The following SERPINB10 variants were observed in gnomAD, a reference collection of about 807,000 sequenced individuals.
SERPINB10 encodes serpin family B member 10.
In SERPINB10, 35 loss-of-function variants were observed where a neutral mutation model predicts 39.1. The observed-to-expected ratio is 0.90, with a 90% CI of 0.68 to 1.19. SERPINB10 has a LOEUF of 1.19. SERPINB10 is among the 50% of genes most tolerant of loss of function. SERPINB10 has a pLI of 0.00. For missense variants in SERPINB10, 546 were observed against 460.5 expected (o/e 1.19, Z -1.70); for synonymous variants, 190 against 158.1 (o/e 1.20, Z -1.52).
chr18:63,928,221 A>T (rs1357990922), intron 5 of SERPINB10, among the ~76,000 whole-genome samples: 1 of 152,058 alleles, frequency 6.6e-6, no homozygotes, highest in Non-Finnish European at 1.5e-5. Flanking sequence ...TCAGCCCTTT[A>T]TTCTGAGTAG....
At chr18:63,912,650 C>T (rs80170191) in intron 1 of SERPINB10, among the ~76,000 whole-genome samples, 39,523 of 151,758 alleles carry the variant, frequency 0.26, 5,789 homozygotes, top group African/African-American at 0.39. Context: ...GGTAAATTAA[C>T]TTTTTGATAT....
Position 63,917,591 on chromosome 18 carries a change from A to G in SERPINB10, c.234+70A>G, listed in dbSNP as rs1006866337. ...TACTTTTAGCACATGTATTTTAGTG[A>G]TAACTGAAGCAACTTTTAGCAGGTA... On this transcript the variant is annotated intron_variant, in intron 3 of 7. Transcript: ENST00000238508. 8 of 878,684 alleles carry G rather than the reference A, an allele frequency of 9.1e-6. No individual in the cohort carries two copies. The African/African-American group carries it at 1.2e-4, about 14-fold the overall frequency. The allele number at this position is 878,684 out of a possible 1,614,324, so 54.4% of individuals were successfully genotyped here.
chr18:63,934,542 T>A (rs2050247139), intron 7 of SERPINB10, among the ~76,000 whole-genome samples: 1 of 152,198 alleles, frequency 6.6e-6, no homozygotes, highest in African/African-American at 2.4e-5. Flanking sequence ...TAAATGTATA[T>A]TTATATTTAT....
At chr18:63,915,406 T>G (rs1433886026) in intron 1 of SERPINB10, 96 bp from the exon 2 acceptor site, 1 of 789,680 alleles carries the variant, frequency 1.3e-6, no homozygotes, top group Non-Finnish European at 2.0e-6. Flanking sequence ...TGACAATGTA[T>G]ATGGATATGT....
Position 63,916,526 on chromosome 18 carries a change from A to G in SERPINB10, c.168+848A>G, listed in dbSNP as rs930692529. On this transcript the variant is annotated intron_variant, in intron 2 of 7. Coordinates refer to ENST00000238508, the MANE Select transcript of SERPINB10 (RefSeq NM_005024.3). ...GCTATATTAGTCTGGACTTGGGATA[A>G]CATCCTTACTCTTGTAGTTCACAAG... 3.9e-5 allele frequency among the ~76,000 whole-genome samples: 6 copies of G among 152,016 alleles called. No individual in the cohort carries two copies. The East Asian group carries it at 1.2e-3, about 29-fold the overall frequency.
intron 6 of SERPINB10, 132 bp from the exon 7 acceptor site, chr18:63,932,916 T>C: frequency 3.8e-6 from 3 of 797,758 alleles, no homozygotes; most frequent in Non-Finnish European, 6.0e-6. Flanking sequence ...TCTGGATAAC[T>C]TTATTCAGCA....
At chr18:63,908,357 T>C (rs952757102) in intron 1 of SERPINB10, among the ~76,000 whole-genome samples, 1 of 152,058 alleles carries the variant, frequency 6.6e-6, no homozygotes, top group African/African-American at 2.4e-5. Flanking sequence ...CAGTGGAGTT[T>C]CCTCCAGTCA....
At chr18:63,920,294 T>C (rs1291300516) in intron 5 of SERPINB10, among the ~76,000 whole-genome samples, 1 of 152,086 alleles carries the variant, frequency 6.6e-6, no homozygotes, top group African/African-American at 2.4e-5. Flanking sequence ...GAATCTTAAA[T>C]ACTTTTCAAA....
At position 63,933,037 on chromosome 18, in the gene SERPINB10, GT is replaced by G. The variant is rs750983969; in HGVS notation, c.634-3del. On this transcript the variant is annotated splice_polypyrimidine_tract_variant and intron_variant, in intron 6 of 7. Coordinates refer to ENST00000238508, the MANE Select transcript of SERPINB10 (RefSeq NM_005024.3). ...TTGTTACCTGTTTTTTTGTTTTTTTGTTTTTTTTAGACTACAAGCAAACCAG... is the reference window on the plus strand; with the variant it reads ...TTGTTACCTGTTTTTTTGTTTTTTTGTTTTTTTAGACTACAAGCAAACCAG... 31 of 1,593,746 alleles carry G rather than the reference GT, an allele frequency of 1.9e-5. No homozygotes were observed. Among genetic ancestry groups the G allele is most frequent in the South Asian group, 6.8e-5 (6 of 88,276 alleles).
intron 6 of SERPINB10, among the ~76,000 whole-genome samples, chr18:63,930,514 C>A (rs531469733): frequency 5.5e-4 from 84 of 152,238 alleles, no homozygotes; most frequent in African/African-American, 1.9e-3. Flanking sequence ...AGAACAAGAA[C>A]CTAAGAGTCC....
intron 5 of SERPINB10, among the ~76,000 whole-genome samples, chr18:63,923,685 C>T (rs2050161521): frequency 6.6e-6 from 1 of 151,790 alleles, no homozygotes; most frequent in Non-Finnish European, 1.5e-5. Context: ...TTTAGGTAAA[C>T]AAAATTGTGT....
chr18:63,919,699 CTACCTA>C, intron 4 of SERPINB10, 83 bp from the exon 5 acceptor site: 1 of 851,708 alleles, frequency 1.2e-6, no homozygotes, highest in South Asian at 1.6e-5. Context: ...AATTGCCCGC[CTACCTA>C]GTTCTTTTGA....
chr18:63,912,911 G>A (rs1023612166), intron 1 of SERPINB10, among the ~76,000 whole-genome samples: 35 of 151,686 alleles, frequency 2.3e-4, no homozygotes, highest in Non-Finnish European at 4.0e-4. Context: ...TTGTTCCAGG[G>A]CGTTTTTTGG....
Position 63,933,089 on chromosome 18 carries a change from G to A in SERPINB10, c.675G>A (p.Lys225=), listed in dbSNP as rs762391086. ...TGCAAATGATGTTTATGAAGAAAAA[G>A]CTTCACATTTTTCACATAGAAAAGC... ...KPVQMMFMKK[K]LHIFHIEKPK... The change falls in exon 7 of 8, where the codon AAG becomes AAA. Residue 225 remains lysine (K), a synonymous_variant. Coordinates refer to ENST00000238508, the MANE Select transcript of SERPINB10 (RefSeq NM_005024.3). 7 of 1,613,834 alleles carry A rather than the reference G, an allele frequency of 4.3e-6. No individual in the cohort carries two copies. The highest frequency in any genetic ancestry group is 5.9e-6 in the Non-Finnish European group (7 of 1,179,892).
At chr18:63,932,050 A>C (rs563578023) in intron 6 of SERPINB10, among the ~76,000 whole-genome samples, 1 of 152,268 alleles carries the variant, frequency 6.6e-6, no homozygotes, top group Admixed American at 6.5e-5. Context: ...TATGAATTTA[A>C]TGTTCCTCCA....
Position 63,933,177 on chromosome 18 carries a change from C to T in SERPINB10, c.763C>T (p.Pro255Ser). ...SRDLSLLILLPEDINGLEQLE... is the reference protein window; with the variant it reads ...SRDLSLLILLSEDINGLEQLE... ...TGACCTCAGCCTGCTTATACTACTG[C>T]CAGAAGACATTAATGGGCTGGAACA... Residue 255 changes from proline (P) to serine (S), a missense_variant, in exon 7 of 8, where the codon CCA becomes TCA. Coordinates refer to ENST00000238508, the MANE Select transcript of SERPINB10 (RefSeq NM_005024.3). 1.2e-6 allele frequency: 2 copies of T among 1,613,958 alleles called. No individual in the cohort carries two copies. The highest frequency in any genetic ancestry group is 1.7e-6 in the Non-Finnish European group (2 of 1,179,926).
Position 63,934,861 on chromosome 18 carries a change from G to A in SERPINB10, c.813G>A (p.Glu271=), listed in dbSNP as rs767092055. Residue 271 remains glutamate (E), a synonymous_variant, in exon 8 of 8, where the codon GAG becomes GAA. Coordinates refer to ENST00000238508, the MANE Select transcript of SERPINB10 (RefSeq NM_005024.3). ...AGCTGGAAAAGGCCATCACCTATGAGAAGCTGAATGAGTGGACCAGTGCAG... is the reference window on the plus strand; with the variant it reads ...AGCTGGAAAAGGCCATCACCTATGAAAAGCTGAATGAGTGGACCAGTGCAG... The part of the protein sequence containing the change: ...LEQLEKAITY[E]KLNEWTSADM... 13 of 1,609,108 alleles carry A rather than the reference G, an allele frequency of 8.1e-6. No individual in the cohort carries two copies. The Admixed American group carries it at 2.2e-4, about 27-fold the overall frequency.
chr18:63,930,194 A>C lies in SERPINB10; in HGVS notation c.633+7A>C, dbSNP rs1460276150. On this transcript the variant is annotated splice_region_variant and intron_variant, in intron 6 of 7. Coordinates refer to ENST00000238508, the MANE Select transcript of SERPINB10 (RefSeq NM_005024.3). ...GCCTTTTAGAATAAACGAGGTAGGAAATTTTTAAAGATCAGTTTGGATTTT... is the reference window on the plus strand; with the variant it reads ...GCCTTTTAGAATAAACGAGGTAGGACATTTTTAAAGATCAGTTTGGATTTT... 1 of 1,611,574 alleles carries C rather than the reference A, an allele frequency of 6.2e-7. No homozygotes were observed. Among genetic ancestry groups the C allele is most frequent in the Non-Finnish European group, 8.5e-7 (1 of 1,178,980 alleles).
At chr18:63,913,355 AGGTCT>A (rs1321832787) in intron 1 of SERPINB10, among the ~76,000 whole-genome samples, 1 of 151,880 alleles carries the variant, frequency 6.6e-6, no homozygotes, top group African/African-American at 2.4e-5. Flanking sequence ...TAGTTCGTCT[AGGTCT>A]GATGTTCGAT....
Sources: gnomAD v4.1 joint callset for allele counts (sites outside exome capture counted in the v4.1 genomes callset) on GRCh38, gnomAD v4.1.1 for gene constraint, MANE v1.5 for transcripts, NCBI Gene and HGNC (gene_info 2026-07-23, HGNC 2026-07-21) for gene names.